ROBO1: variants seen among roughly 807,000 people sequenced by gnomAD.
The protein encoded by ROBO1 is roundabout homolog 1.
In ROBO1, 149 loss-of-function variants were observed where a neutral mutation model predicts 195.9. The ratio of observed to expected loss-of-function variants is 0.76; its 90% CI spans 0.67 to 0.87. ROBO1 has a LOEUF of 0.87. Among genes scored for constraint, ROBO1 ranks in the 40% least tolerant of loss-of-function variants. The pLI, the probability that ROBO1 is intolerant of heterozygous loss-of-function variation, is 0.00. For missense variants in ROBO1, 1,933 were observed against 2,068.3 expected (o/e 0.93, Z 1.27); for synonymous variants, 816 against 733.2 (o/e 1.11, Z -1.82).
chr3:79,541,545 T>C (rs748616673), intron 2 of ROBO1, among the ~76,000 whole-genome samples: 2 of 152,080 alleles, frequency 1.3e-5, no homozygotes, highest in South Asian at 4.1e-4. Context: ...TATATGCATA[T>C]AAAATATTCC....
intron 2 of ROBO1, among the ~76,000 whole-genome samples, chr3:79,416,482 G>A (rs2106901147): frequency 6.6e-6 from 1 of 151,126 alleles, no homozygotes; most frequent in East Asian, 2.0e-4. Flanking sequence ...TTAGCCAGGT[G>A]TGAGGGCACA....
chr3:79,269,680 T>A (rs529547533), intron 2 of ROBO1, among the ~76,000 whole-genome samples: 1 of 151,758 alleles, frequency 6.6e-6, no homozygotes, highest in Non-Finnish European at 1.5e-5. Context: ...CAAAGGAATA[T>A]ACAGAAACTA....
Position 79,125,452 on chromosome 3 carries a change from C to T in ROBO1, c.172+4G>A. 1 of 1,612,678 alleles carries T rather than the reference C, an allele frequency of 6.2e-7. No individual in the cohort carries two copies. ...AGTTAGTATTTGGGAAAGAGACACT[C>T]TACCTGTATAGCCCAGCGAATTGTC... On this transcript the variant is annotated splice_donor_region_variant and intron_variant, in intron 3 of 30. Coordinates refer to ENST00000464233, the MANE Select transcript of ROBO1 (RefSeq NM_002941.4).
At chr3:79,621,567 G>A (rs944540295) in intron 1 of ROBO1, among the ~76,000 whole-genome samples, 10 of 152,146 alleles carry the variant, frequency 6.6e-5, no homozygotes, top group Non-Finnish European at 1.5e-4. Flanking sequence ...GCGGACTTCT[G>A]AGTAGAAACC....
intron 2 of ROBO1, among the ~76,000 whole-genome samples, chr3:79,502,081 G>A (rs1422660706): frequency 6.6e-6 from 1 of 152,214 alleles, no homozygotes; most frequent in East Asian, 1.9e-4. Context: ...AAAGTGAGAG[G>A]TGACAGCATG....
chr3:79,662,439 A>AT lies in ROBO1; in HGVS notation c.-50-72479dup, dbSNP rs540845186. 5.5e-4 allele frequency among the ~76,000 whole-genome samples: 83 copies of AT among 151,996 alleles called. No individual in the cohort carries two copies. The South Asian group carries it at 0.017, about 31-fold the overall frequency. The stretch of plus-strand genomic sequence containing the variant: ...TTTGACTGTAAAAATTTTTGCTTTT[A>AT]TTTTTTGCTGAAATCCTTGCTTTGA... On this transcript the variant is annotated intron_variant, in intron 1 of 30. Coordinates refer to ENST00000464233, the MANE Select transcript of ROBO1 (RefSeq NM_002941.4).
In ROBO1 at chr3:78,617,831, C is replaced by T; in HGVS notation, c.4086G>A (p.Leu1362=). The T allele has an allele frequency of 6.2e-7, 1 of 1,613,956 alleles. No homozygotes were observed. The highest frequency in any genetic ancestry group is 8.5e-7 in the Non-Finnish European group (1 of 1,179,878). Residue 1362 remains leucine (L), a synonymous_variant, in exon 27 of 31, where the codon CTG becomes CTA. Coordinates refer to ENST00000464233, the MANE Select transcript of ROBO1 (RefSeq NM_002941.4). ...EQTPASSVGD[L]ESSVTGSMIN... ...TCATGGACCCCGTGACAGAGCTCTC[C>T]AGGTCCCCAACACTGGAGGCAGGTG...
At chr3:79,387,707 T>C (rs919472526) in intron 2 of ROBO1, among the ~76,000 whole-genome samples, 1 of 151,410 alleles carries the variant, frequency 6.6e-6, no homozygotes, top group African/African-American at 2.4e-5. Context: ...TTAAAAAATG[T>C]GTAATGAAAG....
intron 2 of ROBO1, among the ~76,000 whole-genome samples, chr3:79,498,548 A>T (rs1294859016): frequency 6.6e-6 from 1 of 152,194 alleles, no homozygotes; most frequent in African/African-American, 2.4e-5. Context: ...TAGCGCAACT[A>T]ATAGTATAAA....
At chr3:79,322,228 G>GTATA (rs2034011938) in intron 2 of ROBO1, among the ~76,000 whole-genome samples, 1 of 152,146 alleles carries the variant, frequency 6.6e-6, no homozygotes, top group South Asian at 2.1e-4. Flanking sequence ...AATACAAATA[G>GTATA]TATATACACA....
At chr3:79,636,031 C>T (rs1408357429) in intron 1 of ROBO1, among the ~76,000 whole-genome samples, 1 of 152,020 alleles carries the variant, frequency 6.6e-6, no homozygotes. Flanking sequence ...TCTTTCTCGC[C>T]ACCATTATTT....
At chr3:79,426,218 G>T (rs1435913751) in intron 2 of ROBO1, among the ~76,000 whole-genome samples, 1 of 152,018 alleles carries the variant, frequency 6.6e-6, no homozygotes, top group African/African-American at 2.4e-5. Flanking sequence ...TATGAGAGGA[G>T]AAAAGATTCA....
At chr3:79,271,835 T>C (rs1278981603) in intron 2 of ROBO1, among the ~76,000 whole-genome samples, 3 of 152,192 alleles carry the variant, frequency 2.0e-5, no homozygotes, top group East Asian at 1.9e-4. Flanking sequence ...GAATGATTGA[T>C]TTAATAACTA....
intron 3 of ROBO1, among the ~76,000 whole-genome samples, chr3:79,114,189 T>C (rs1030602440): frequency 6.6e-6 from 1 of 152,194 alleles, no homozygotes; most frequent in Non-Finnish European, 1.5e-5. Flanking sequence ...CTCTCCTGTA[T>C]AAATCACCCA....
At chr3:79,143,457 G>C (rs2108618282) in intron 2 of ROBO1, among the ~76,000 whole-genome samples, 1 of 152,128 alleles carries the variant, frequency 6.6e-6, no homozygotes, top group Admixed American at 6.6e-5. Flanking sequence ...GCAGGGAGTT[G>C]ACTGGTCATT....
chr3:78,659,565 T>A, intron 17 of ROBO1, 121 bp downstream of exon 17: 4 of 661,882 alleles, frequency 6.0e-6, no homozygotes, highest in Non-Finnish European at 8.7e-6. Flanking sequence ...ATTTTACATG[T>A]TGCTATTTGG....
intron 22 of ROBO1, among the ~76,000 whole-genome samples, chr3:78,639,112 C>A (rs1218146073): frequency 2.6e-5 from 4 of 151,638 alleles, no homozygotes; most frequent in Non-Finnish European, 4.4e-5. Flanking sequence ...CGCCTCTGAG[C>A]TCCAGCCTGG....
chr3:78,809,893 C>T (rs545432478), intron 4 of ROBO1, among the ~76,000 whole-genome samples: 3 of 151,368 alleles, frequency 2.0e-5, no homozygotes, highest in South Asian at 4.2e-4. Context: ...ATGTAGATGA[C>T]GGGTTGATGG....
chr3:79,690,202 G>A (rs1453926075), intron 1 of ROBO1, among the ~76,000 whole-genome samples: 1 of 151,792 alleles, frequency 6.6e-6, no homozygotes, highest in Non-Finnish European at 1.5e-5. Context: ...TACCTCATAT[G>A]GAAAAAAAGA....
Sources: allele counts gnomAD v4.1 joint callset (sites outside exome capture counted in the v4.1 genomes callset), GRCh38; gene constraint gnomAD v4.1.1; transcripts MANE v1.5; gene names NCBI Gene and HGNC (gene_info 2026-07-23, HGNC 2026-07-21).